ZEB1: variants seen among roughly 807,000 people sequenced by gnomAD.
The protein encoded by ZEB1 is zinc finger E-box-binding homeobox 1.
In ZEB1, 21 loss-of-function variants were observed where a neutral mutation model predicts 84.9. That is an observed-to-expected ratio of 0.25 (90% CI 0.18 to 0.36). The LOEUF is 0.36. Among genes scored for constraint, ZEB1 ranks in the 10% least tolerant of loss-of-function variants. The probability of loss-of-function intolerance (pLI) is 1.00; values close to 1 mark genes in which losing one functional copy is unlikely to be tolerated. For synonymous variants in ZEB1, 420 were observed against 471.1 expected, an observed-to-expected ratio of 0.89 and a Z score of 1.41; for missense variants, 1,104 against 1,330.2, an observed-to-expected ratio of 0.83 and a Z score of 2.65.
intron 1 of ZEB1, chr10:31,321,106 C>G: frequency 9.8e-7 from 1 of 1,016,816 alleles, no homozygotes; most frequent in Non-Finnish European, 1.2e-6. Flanking sequence ...TCGTGCTCCC[C>G]CAGCCCCACC....
At chr10:31,463,818 T>C (rs1048201758) in intron 2 of ZEB1, among the ~76,000 whole-genome samples, 1 of 152,196 alleles carries the variant, frequency 6.6e-6, no homozygotes, top group Non-Finnish European at 1.5e-5. Context: ...AACACAAGTC[T>C]TTTGGAGAAA....
intron 1 of ZEB1, among the ~76,000 whole-genome samples, chr10:31,408,976 A>C (rs1369026020): frequency 2.0e-5 from 3 of 151,300 alleles, no homozygotes; most frequent in South Asian, 2.1e-4. Flanking sequence ...AAATGGGAGA[A>C]AATTTTTGCA....
At position 31,528,007 on chromosome 10, in the gene ZEB1, A is replaced by T. The variant is rs922565075; in HGVS notation, c.*743A>T. 6.6e-6 allele frequency: 1 copy of T among 152,274 alleles called. No individual in the cohort carries two copies. Among genetic ancestry groups the T allele is most frequent in the African/African-American group, 2.4e-5 (1 of 41,452 alleles). The allele number at this position is 152,274 out of a possible 1,614,324, so 9.4% of individuals were successfully genotyped here. The stretch of plus-strand genomic sequence containing the variant: ...CATTGAGTTCTGATTGCAGGGACTA[A>T]CAATGTTAATCTGATAAGGACAGCA... On this transcript the variant is annotated 3_prime_UTR_variant, in exon 9 of 9. Coordinates refer to ENST00000424869, the MANE Select transcript of ZEB1 (RefSeq NM_001174096.2).
At chr10:31,475,223 A>G (rs2063945836) in intron 2 of ZEB1, among the ~76,000 whole-genome samples, 1 of 152,090 alleles carries the variant, frequency 6.6e-6, no homozygotes, top group African/African-American at 2.4e-5. Context: ...TAAAAGAAAA[A>G]AAAAAACAAA....
At chr10:31,468,320 A>C (rs948145486) in intron 2 of ZEB1, among the ~76,000 whole-genome samples, 1 of 151,872 alleles carries the variant, frequency 6.6e-6, no homozygotes, top group Non-Finnish European at 1.5e-5. Flanking sequence ...CCAAGTAAAA[A>C]TCCCACTGTC....
chr10:31,462,253 G>C (rs891155271), intron 2 of ZEB1, among the ~76,000 whole-genome samples: 1 of 152,102 alleles, frequency 6.6e-6, no homozygotes, highest in Non-Finnish European at 1.5e-5. Flanking sequence ...CAAATCTAAT[G>C]GTTAACAAGG....
intron 1 of ZEB1, among the ~76,000 whole-genome samples, chr10:31,423,853 G>A (rs997312243): frequency 6.6e-6 from 1 of 150,538 alleles, no homozygotes; most frequent in Non-Finnish European, 1.5e-5. Context: ...AATTTTAGGA[G>A]TATGCTACTC....
At chr10:31,474,064 A>G (rs1236716170) in intron 2 of ZEB1, among the ~76,000 whole-genome samples, 2 of 152,242 alleles carry the variant, frequency 1.3e-5, no homozygotes, top group African/African-American at 4.8e-5. Context: ...TCAATTCAAG[A>G]TGGATTAAAG....
In ZEB1 at chr10:31,527,582, G is replaced by A. The variant is rs1458246214; in HGVS notation, c.*318G>A. ...GACTCAGAGAGCAACAATACAAGAG[G>A]TTAAAGGAAGCTGATTAATTAGATA... is the stretch of plus-strand genomic sequence containing the variant. On this transcript the variant is annotated 3_prime_UTR_variant, in exon 9 of 9. Transcript: ENST00000424869. The A allele has an allele frequency of 1.6e-5, 5 of 312,366 alleles. No homozygotes were observed. The highest frequency in any genetic ancestry group is 4.5e-5 in the South Asian group (1 of 21,992). 19.3% of individuals were successfully genotyped at this position (312,366 alleles called of 1,614,324 possible). A position where few individuals can be genotyped will look rare whatever the true frequency, so the allele number is the denominator to read the frequency against.
At chr10:31,515,028 A>G (rs773446320) in intron 6 of ZEB1, among the ~76,000 whole-genome samples, 1 of 152,094 alleles carries the variant, frequency 6.6e-6, no homozygotes, top group Non-Finnish European at 1.5e-5. Flanking sequence ...CACAATTAGC[A>G]GGGGAATGGA....
chr10:31,380,953 G>C (rs1364716055), intron 1 of ZEB1, among the ~76,000 whole-genome samples: 1 of 152,078 alleles, frequency 6.6e-6, no homozygotes, highest in Non-Finnish European at 1.5e-5. Flanking sequence ...AGTTTTATTT[G>C]GTCAAATACA....
intron 1 of ZEB1, among the ~76,000 whole-genome samples, chr10:31,394,612 A>G (rs2050358467): frequency 6.6e-6 from 1 of 152,206 alleles, no homozygotes; most frequent in South Asian, 2.1e-4. Flanking sequence ...TATTGCCTAC[A>G]TTGTACTTAA....
chr10:31,451,793 G>T (rs1440502379), intron 1 of ZEB1, among the ~76,000 whole-genome samples: 1 of 152,118 alleles, frequency 6.6e-6, no homozygotes, highest in Non-Finnish European at 1.5e-5. Flanking sequence ...AATTTGGGAG[G>T]ATGGCTCTTG....
intron 1 of ZEB1, among the ~76,000 whole-genome samples, chr10:31,384,820 G>T (rs183807521): frequency 6.6e-6 from 1 of 151,972 alleles, no homozygotes; most frequent in African/African-American, 2.4e-5. Flanking sequence ...TTCCCTTTTC[G>T]CCCTTGTTGG....
At chr10:31,391,459 T>TCC (rs2049713707) in intron 1 of ZEB1, among the ~76,000 whole-genome samples, 1 of 152,136 alleles carries the variant, frequency 6.6e-6, no homozygotes, top group Non-Finnish European at 1.5e-5. Context: ...GACAATTTAC[T>TCC]GTCATTTGAA....
At chr10:31,394,233 GGAA>G (rs1442329908) in intron 1 of ZEB1, among the ~76,000 whole-genome samples, 1 of 152,136 alleles carries the variant, frequency 6.6e-6, no homozygotes, top group Non-Finnish European at 1.5e-5. Flanking sequence ...GAGTCATAAA[GGAA>G]GAAGAACAAA....
At chr10:31,344,496 G>T (rs1184912618) in intron 1 of ZEB1, among the ~76,000 whole-genome samples, 1 of 152,092 alleles carries the variant, frequency 6.6e-6, no homozygotes. Context: ...TTTGAGTTCT[G>T]ATAATCTGTT....
At chr10:31,417,208 ACTTATT>A (rs1431399441) in intron 1 of ZEB1, among the ~76,000 whole-genome samples, 1 of 152,144 alleles carries the variant, frequency 6.6e-6, no homozygotes, top group African/African-American at 2.4e-5. Flanking sequence ...TCCAAATCTC[ACTTATT>A]CTTGTTCTTT....
chr10:31,379,228 G>A (rs984858104), intron 1 of ZEB1, among the ~76,000 whole-genome samples: 14 of 152,030 alleles, frequency 9.2e-5, no homozygotes, highest in Non-Finnish European at 1.8e-4. Flanking sequence ...AAGGCAGCAT[G>A]CTTTTGTTGA....
Sources: allele counts gnomAD v4.1 joint callset (sites outside exome capture counted in the v4.1 genomes callset), GRCh38; gene constraint gnomAD v4.1.1; transcripts MANE v1.5; gene names NCBI Gene and HGNC (gene_info 2026-07-23, HGNC 2026-07-21).